Variants in SURF6 observed in about 807,000 individuals in gnomAD.
The protein encoded by SURF6 is surfeit locus protein 6.
In SURF6, 28 loss-of-function variants were observed where a neutral mutation model predicts 37.5. The observed-to-expected ratio is 0.75, with a 90% confidence interval of 0.55 to 1.02. The LOEUF (loss-of-function observed/expected upper bound fraction) is 1.02. Ranked by LOEUF, SURF6 falls within the 50% of genes least tolerant of loss-of-function variation. The probability of loss-of-function intolerance (pLI) is 0.00; values close to 1 mark genes in which losing one functional copy is unlikely to be tolerated. For synonymous variants in SURF6, 248 were observed against 210.9 expected, an observed-to-expected ratio of 1.18 and a Z score of -1.52; for missense variants, 560 against 490.5, an observed-to-expected ratio of 1.14 and a Z score of -1.34.
chr9:133,332,851 G>T, intron 3 of SURF6, 91 bp from the exon 4 acceptor site: 1 of 1,319,480 alleles, frequency 7.6e-7, no homozygotes, highest in Non-Finnish European at 1.0e-6. Flanking sequence ...GGGCTGGAAG[G>T]CAGGTGAGAA....
intron 4 of SURF6, 76 bp downstream of exon 4, chr9:133,332,472 G>T: frequency 6.4e-7 from 1 of 1,560,118 alleles, no homozygotes. Context: ...TTCGGAGAGA[G>T]ATCATGAAGC....
At position 133,331,627 on chromosome 9, in the gene SURF6, C is replaced by T. The variant is rs1835728667; in HGVS notation, c.*242G>A. The T allele has an allele frequency of 4.2e-6, 2 of 478,582 alleles. No homozygotes were observed. The highest frequency in any genetic ancestry group is 2.0e-5 in the African/African-American group (1 of 49,878). The allele number at this position is 478,582 out of a possible 1,614,324, so 29.6% of individuals were successfully genotyped here. ...GGAAAGCAGACCAGGCCCCAGTCTC[C>T]CTCACCCTTTCCCTGGGTCTGAAGG... On this transcript the variant is annotated 3_prime_UTR_variant, in exon 5 of 5. Coordinates refer to ENST00000372022, the MANE Select transcript of SURF6 (RefSeq NM_006753.6).
intron 1 of SURF6, 52 bp downstream of exon 1, chr9:133,335,987 C>T: frequency 6.6e-7 from 1 of 1,516,886 alleles, no homozygotes; most frequent in Non-Finnish European, 9.0e-7. Flanking sequence ...CGGCTCCGGC[C>T]GCGTCCCCCG....
intron 4 of SURF6, 23 bp from the exon 5 acceptor site, chr9:133,332,371 G>A: frequency 1.3e-6 from 2 of 1,557,736 alleles, no homozygotes; most frequent in African/African-American, 1.4e-5. Flanking sequence ...TATGACATCA[G>A]CTCATGCCAG....
chr9:133,330,295 G>A lies in SURF6; in HGVS notation c.*1574C>T, dbSNP rs2129905868. 0.28 allele frequency: 42,588 copies of A among 151,780 alleles called. 7,397 individuals carry two copies. The highest frequency in any genetic ancestry group is 0.47 in the South Asian group (2,241 of 4,818). The allele number at this position is 151,780 out of a possible 1,614,324, so 9.4% of individuals were successfully genotyped here. A position where few individuals can be genotyped will look rare whatever the true frequency, so the allele number is the denominator to read the frequency against. On this transcript the variant is annotated 3_prime_UTR_variant, in exon 5 of 5. Transcript: ENST00000372022. ...TCTGTCACCCAGGCTGGAGTGCAGC[G>A]GCTCGATCTTGGCTCACTGCAGCCT...
Position 133,336,137 on chromosome 9 carries a change from G to T in SURF6, c.-5C>A. 6.2e-7 allele frequency: 1 copy of T among 1,610,770 alleles called. No homozygotes were observed. Among genetic ancestry groups the T allele is most frequent in the Non-Finnish European group, 8.5e-7 (1 of 1,179,316 alleles). ...CTTGGCGAGTAGAGAGGCCATGGCGGAGACCCGGGCCGTTCACGACTCACA... is the reference window on the plus strand; with the variant it reads ...CTTGGCGAGTAGAGAGGCCATGGCGTAGACCCGGGCCGTTCACGACTCACA... On this transcript the variant is annotated 5_prime_UTR_variant, in exon 1 of 5. Transcript: ENST00000372022.
intron 3 of SURF6, 97 bp from the exon 4 acceptor site, chr9:133,332,857 G>T: frequency 8.0e-7 from 1 of 1,252,718 alleles, no homozygotes; most frequent in Non-Finnish European, 1.1e-6. Context: ...GAAGGCAGGT[G>T]AGAAAATCCT....
In SURF6 at chr9:133,332,547, C is replaced by T. The variant is rs2129918934; in HGVS notation, c.606+1G>A. The T allele has an allele frequency of 6.2e-7, 1 of 1,608,340 alleles. No homozygotes were observed. The highest frequency in any genetic ancestry group is 1.3e-5 in the African/African-American group (1 of 74,942). On this transcript the variant is annotated splice_donor_variant, in intron 4 of 4. Coordinates refer to ENST00000372022, the MANE Select transcript of SURF6 (RefSeq NM_006753.6). LOFTEE classifies it high-confidence loss of function. ...CGCCCAAGGACCCAGCTCCCGCTCA[C>T]CTTATTGAAGATCAGCCCGGGCGGC...
At chr9:133,334,298 G>A (rs967300653) in intron 2 of SURF6, 94 bp downstream of exon 2, 4 of 1,230,190 alleles carry the variant, frequency 3.3e-6, no homozygotes, top group African/African-American at 3.0e-5. Context: ...TGCGCCTGCT[G>A]CTGCTTTTTT....
Position 133,331,907 on chromosome 9 carries a change from T to C in SURF6, c.1048A>G (p.Ile350Val). The C allele has an allele frequency of 3.9e-6, 6 of 1,548,308 alleles. No individual in the cohort carries two copies. The highest frequency in any genetic ancestry group is 2.4e-5 in the South Asian group (2 of 81,672). ...GCGCGCTCCAGGTCCTGCGGCAGGA[T>C]GCGGCCCTTCTTGCGGGCTCTGAGC... ...RLLRARKKGR[I>V]LPQDLERAGL... Residue 350 changes from isoleucine to valine, a missense_variant, in exon 5 of 5, where the codon ATC becomes GTC. Transcript: ENST00000372022.
In SURF6 at chr9:133,334,374, T is replaced by G. The variant is rs2129926860; in HGVS notation, c.304+18A>C. ...AGCCCCGCCCTGCACAGAACCAACA[T>G]GCCCTGAAGCCTCTCACCTGCAGGG... On this transcript the variant is annotated intron_variant, in intron 2 of 4. Coordinates refer to ENST00000372022, the MANE Select transcript of SURF6 (RefSeq NM_006753.6). 1 of 1,570,654 alleles carries G rather than the reference T, an allele frequency of 6.4e-7. No individual in the cohort carries two copies. Among genetic ancestry groups the G allele is most frequent in the Admixed American group, 1.8e-5 (1 of 56,770 alleles).
Position 133,329,308 on chromosome 9 carries a change from G to A in SURF6, c.*2561C>T, listed in dbSNP as rs1020954126. ...GCACAGCATCACAGGGAGACGGTTA[G>A]GCCTCCAGATAACTGCGGGCAGGCC... On this transcript the variant is annotated 3_prime_UTR_variant, in exon 5 of 5. Coordinates refer to ENST00000372022, the MANE Select transcript of SURF6 (RefSeq NM_006753.6). The A allele has an allele frequency of 1.2e-5, 2 of 170,002 alleles. No individual in the cohort carries two copies. Among genetic ancestry groups the A allele is most frequent in the African/African-American group, 2.4e-5 (1 of 41,788 alleles). 10.5% of individuals were successfully genotyped at this position (170,002 alleles called of 1,614,324 possible). A position where few individuals can be genotyped will look rare whatever the true frequency, so the allele number is the denominator to read the frequency against.
Position 133,331,979 on chromosome 9 carries a change from G to A in SURF6, c.976C>T (p.Arg326Trp), listed in dbSNP as rs2129913428. 1.1e-5 allele frequency: 17 copies of A among 1,596,718 alleles called. No individual in the cohort carries two copies. Among genetic ancestry groups the A allele is most frequent in the African/African-American group, 9.4e-5 (7 of 74,866 alleles). ...GCCTTCTTCCTGCGCAGGTTCTGCC[G>A]CCGCCGGTCCTGGCGCTGCTGCATC... ...EKMQQRQDRRRQNLRRKKAAR... is the reference protein window; with the variant it reads ...EKMQQRQDRRWQNLRRKKAAR... The change falls in exon 5 of 5, where the codon CGG becomes TGG. Residue 326 changes from arginine to tryptophan, a missense_variant. Arg to Trp is a moderately radical substitution (Grantham distance 101). Coordinates refer to ENST00000372022, the MANE Select transcript of SURF6 (RefSeq NM_006753.6).
chr9:133,333,615 G>A (rs1264054949), intron 3 of SURF6, 103 bp downstream of exon 3: 8 of 1,065,548 alleles, frequency 7.5e-6, no homozygotes, highest in East Asian at 5.1e-5. Context: ...TGCCAGACTC[G>A]CTGCAGAGGG....
Position 133,331,800 on chromosome 9 carries a change from G to A in SURF6, c.*69C>T. ...CTGTGGAGATCCTGGGACAGAGCCA[G>A]CGTCAAGGACTCAGAGGGTGTCCTG... On this transcript the variant is annotated 3_prime_UTR_variant, in exon 5 of 5. Transcript: ENST00000372022. 6.8e-7 allele frequency: 1 copy of A among 1,472,814 alleles called. No homozygotes were observed. 91.2% of individuals were successfully genotyped at this position (1,472,814 alleles called of 1,614,324 possible).
rs1835684829 is a variant in SURF6 at position 133,329,951 on chromosome 9, C to T, written c.*1918G>A. 6.6e-6 allele frequency: 1 copy of T among 152,192 alleles called. No homozygotes were observed. Among genetic ancestry groups the T allele is most frequent in the Non-Finnish European group, 1.5e-5 (1 of 68,046 alleles). The allele number at this position is 152,192 out of a possible 1,614,324, so 9.4% of individuals were successfully genotyped here. ...GTCTACGTCTGGAATTACCTGTTCT[C>T]TATATCGTGGAACTTCCCTGTAAAA... On this transcript the variant is annotated 3_prime_UTR_variant, in exon 5 of 5. Transcript: ENST00000372022.
chr9:133,332,854 G>A (rs1040841544), intron 3 of SURF6, 94 bp from the exon 4 acceptor site: 10 of 1,298,636 alleles, frequency 7.7e-6, no homozygotes, highest in South Asian at 1.3e-5. Context: ...CTGGAAGGCA[G>A]GTGAGAAAAT....
chr9:133,333,295 A>T (rs1835793866), intron 3 of SURF6, among the ~76,000 whole-genome samples: 2 of 152,066 alleles, frequency 1.3e-5, no homozygotes, highest in South Asian at 4.1e-4. Context: ...GTAGCTGGGG[A>T]CTGTCCCCCA....
At position 133,332,553 on chromosome 9, in the gene SURF6, T is replaced by G. The variant is rs2129918958; in HGVS notation, c.601A>C (p.Asn201His). The G allele has an allele frequency of 2.0e-3, 3,255 of 1,608,642 alleles. 21 individuals carry two copies. Among genetic ancestry groups the G allele is most frequent in the African/African-American group, 0.019 (1,413 of 75,042 alleles). ...EPREPPGLIF[N>H]KVEVSEDEPA... ...AGGACCCAGCTCCCGCTCACCTTATTGAAGATCAGCCCGGGCGGCTCCCGC... is the reference window on the plus strand; with the variant it reads ...AGGACCCAGCTCCCGCTCACCTTATGGAAGATCAGCCCGGGCGGCTCCCGC... The change falls in exon 4 of 5, where the codon AAT (asparagine) becomes CAT (histidine). Residue 201 changes from asparagine to histidine, a missense_variant. Physicochemically the swap from Asn to His is moderately conservative, Grantham distance 68. Coordinates refer to ENST00000372022, the MANE Select transcript of SURF6 (RefSeq NM_006753.6).
Sources: allele counts gnomAD v4.1 joint callset (sites outside exome capture counted in the v4.1 genomes callset), GRCh38; gene constraint gnomAD v4.1.1; transcripts MANE v1.5; gene names NCBI Gene and HGNC (gene_info 2026-07-23, HGNC 2026-07-21).